RPP40: variants seen among roughly 807,000 people sequenced by gnomAD.
RPP40 encodes ribonuclease P protein subunit p40.
Under a neutral mutation model 42.5 loss-of-function variants are expected in RPP40, and 30 were observed. That is an observed-to-expected ratio of 0.71 (90% CI 0.53 to 0.96). RPP40 has a LOEUF of 0.96. Among genes scored for constraint, RPP40 ranks in the 40% least tolerant of loss-of-function variants. The pLI, the probability that RPP40 is intolerant of heterozygous loss-of-function variation, is 0.00. For missense variants in RPP40, 426 were observed against 433.5 expected (o/e 0.98, Z 0.15); for synonymous variants, 173 against 164.0 (o/e 1.05, Z -0.42).
In RPP40 at chr6:4,994,834, C is replaced by G; in HGVS notation, c.*244G>C. 1 of 486,694 alleles carries G rather than the reference C, an allele frequency of 2.1e-6. No individual in the cohort carries two copies. 30.1% of individuals were successfully genotyped at this position (486,694 alleles called of 1,614,324 possible). A position where few individuals can be genotyped will look rare whatever the true frequency, so the allele number is the denominator to read the frequency against. On this transcript the variant is annotated 3_prime_UTR_variant, in exon 8 of 8. Transcript: ENST00000380051. ...TCCCTGGACATCCTGGCCCAGTGTA[C>G]CACATAGTAACCCACAACCCTGTGC...
chr6:4,989,168 G>A, the RPP40 span, among the ~76,000 whole-genome samples: 2 of 151,848 alleles, frequency 1.3e-5, no homozygotes, highest in African/African-American at 2.4e-5. Context: ...TTGGTAAAAT[G>A]TCTGTTGATG....
intron 3 of RPP40, among the ~76,000 whole-genome samples, chr6:5,000,277 TC>T (rs1183536968): frequency 6.6e-6 from 1 of 152,102 alleles, no homozygotes; most frequent in Non-Finnish European, 1.5e-5. Flanking sequence ...AACCTCCGCC[TC>T]CCAGGTTCAA....
At position 5,003,995 on chromosome 6, in the gene RPP40, G is replaced by A. The variant is rs1173924959; in HGVS notation, c.8C>T (p.Thr3Met). The A allele has an allele frequency of 1.9e-6, 3 of 1,608,830 alleles. No homozygotes were observed. The highest frequency in any genetic ancestry group is 1.3e-5 in the African/African-American group (1 of 74,766). The stretch of plus-strand genomic sequence containing the variant: ...CGGCGCCTCCCGAAGCCGGCGCAGC[G>A]TGGCCATGCTCTCCTGGGTTCCTGG... MA[T>M]LRRLREAPRH... The change falls in exon 1 of 8, where the codon ACG becomes ATG. Residue 3 changes from threonine (T) to methionine (M), a missense_variant. Physicochemically the swap from Thr to Met is moderately conservative, Grantham distance 81. Transcript: ENST00000380051.
intron 1 of RPP40, among the ~76,000 whole-genome samples, chr6:5,003,076 C>T (rs986248477): frequency 1.3e-5 from 2 of 152,008 alleles, no homozygotes; most frequent in African/African-American, 2.4e-5. Flanking sequence ...CGGCCGGGCG[C>T]GGTGGCTCAC....
At chr6:4,998,379 T>C (rs1449042606) in intron 5 of RPP40, among the ~76,000 whole-genome samples, 1 of 152,226 alleles carries the variant, frequency 6.6e-6, no homozygotes, top group Non-Finnish European at 1.5e-5. Context: ...TAATTGGTGC[T>C]ACTTAAAAAT....
Position 4,996,190 on chromosome 6 carries a change from C to A in RPP40, c.758+32G>T, listed in dbSNP as rs569047193. On this transcript the variant is annotated intron_variant, in intron 6 of 7. Transcript: ENST00000380051. ...ATTAAAAACAAGCAGCAGGCCAGAGCCCTGGAAGACACAGGGAGTTCAGAT... is the reference window on the plus strand; with the variant it reads ...ATTAAAAACAAGCAGCAGGCCAGAGACCTGGAAGACACAGGGAGTTCAGAT... 1.4e-5 allele frequency: 23 copies of A among 1,610,188 alleles called. No homozygotes were observed. In the South Asian group the frequency reaches 2.2e-4, roughly 15 times the overall value.
At position 5,000,623 on chromosome 6, in the gene RPP40, A is replaced by G. The variant is rs1759523769; in HGVS notation, c.277T>C (p.Tyr93His). ...ISTFIKKGSC[Y>H]ALTYNTHIDE... ...ATATGTGTATTGTATGTTAGTGCAT[A>G]GCAAGAACCTGGAAGAGAAAGTACA... Residue 93 changes from tyrosine (Y) to histidine (H), a missense_variant, in exon 3 of 8, where the codon TAT becomes CAT. By Grantham distance (83) the Tyr-to-His change is moderately conservative. Transcript: ENST00000380051. 6 of 1,588,218 alleles carry G rather than the reference A, an allele frequency of 3.8e-6. No individual in the cohort carries two copies. Among genetic ancestry groups the G allele is most frequent in the African/African-American group, 1.3e-5 (1 of 74,184 alleles).
chr6:5,003,628 C>T, intron 1 of RPP40: 1 of 403,310 alleles, frequency 2.5e-6, no homozygotes, highest in Non-Finnish European at 4.4e-6. Flanking sequence ...CCAGAACGCC[C>T]CTGACAACAG....
At chr6:4,996,113 A>C (rs751741409) in intron 6 of RPP40, 28 bp from the exon 7 acceptor site, 1 of 1,612,538 alleles carries the variant, frequency 6.2e-7, no homozygotes, top group South Asian at 1.1e-5. Context: ...AAAGAGAGAG[A>C]GATAACACAT....
At chr6:4,999,544 G>A (rs1422419478) in intron 4 of RPP40, among the ~76,000 whole-genome samples, 4 of 151,960 alleles carry the variant, frequency 2.6e-5, no homozygotes, top group African/African-American at 7.2e-5. Context: ...TGATCCGCCC[G>A]CCTTGGCCTG....
chr6:4,996,186 A>G, intron 6 of RPP40, 36 bp downstream of exon 6: 1 of 1,609,724 alleles, frequency 6.2e-7, no homozygotes, highest in Non-Finnish European at 8.5e-7. Flanking sequence ...GCAGCAGGCC[A>G]GAGCCCTGGA....
downstream of RPP40, among the ~76,000 whole-genome samples, chr6:4,990,077 G>A (rs1759242034): frequency 6.6e-6 from 1 of 152,202 alleles, no homozygotes; most frequent in African/African-American, 2.4e-5. Context: ...GGTTTTTGTA[G>A]ATGCCCTTGA....
intron 7 of RPP40, 64 bp from the exon 8 acceptor site, chr6:4,995,340 A>G (rs1165942648): frequency 8.7e-7 from 1 of 1,155,582 alleles, no homozygotes; most frequent in Non-Finnish European, 1.3e-6. Flanking sequence ...GCATTTTAAA[A>G]AATTTATTCA....
chr6:4,996,022 T>C lies in RPP40; in HGVS notation c.822A>G (p.Ala274=), dbSNP rs1554113830. The C allele has an allele frequency of 1.9e-6, 3 of 1,614,134 alleles. No homozygotes were observed. The highest frequency in any genetic ancestry group is 2.5e-6 in the Non-Finnish European group (3 of 1,179,950). Residue 274 remains alanine, a synonymous_variant, in exon 7 of 8, where the codon GCA becomes GCG. Coordinates refer to ENST00000380051, the MANE Select transcript of RPP40 (RefSeq NM_006638.4). ...YCCPEPSTVV[A]KAYLCTITGF... ...CAGTGATTGTACACAAATAAGCTTT[T>C]GCCACCACTGTGCTTGGCTCAGGAC...
intron 1 of RPP40, among the ~76,000 whole-genome samples, chr6:5,003,398 A>G (rs1223997967): frequency 6.6e-6 from 1 of 150,402 alleles, no homozygotes; most frequent in African/African-American, 2.4e-5. Context: ...GGCCGAGCCT[A>G]GGCAGGATGC....
At chr6:5,002,043 T>A (rs552352238) in intron 2 of RPP40, 58 bp downstream of exon 2, 1 of 1,478,890 alleles carries the variant, frequency 6.8e-7, no homozygotes, top group Non-Finnish European at 9.3e-7. Flanking sequence ...CATCGTGATG[T>A]GGTCTCCCTA....
intron 6 of RPP40, 58 bp from the exon 7 acceptor site, chr6:4,996,143 A>G: frequency 1.2e-6 from 2 of 1,607,672 alleles, no homozygotes; most frequent in Non-Finnish European, 1.7e-6. Context: ...TCACATGATC[A>G]CTTCCAAAGT....
chr6:4,992,475 G>T (rs981476499), downstream of RPP40, among the ~76,000 whole-genome samples: 1 of 151,762 alleles, frequency 6.6e-6, no homozygotes, highest in Non-Finnish European at 1.5e-5. Context: ...TGCGAGAATT[G>T]ACTAATATGC....
At position 5,000,078 on chromosome 6, in the gene RPP40, T is replaced by A. The variant is rs1422471855; in HGVS notation, c.338-174A>T. Among the ~76,000 whole-genome samples the A allele has an allele frequency of 2.0e-5, 3 of 152,266 alleles. No individual in the cohort carries two copies. The East Asian group carries it at 5.8e-4, about 29-fold the overall frequency. On this transcript the variant is annotated intron_variant, in intron 3 of 7. Transcript: ENST00000380051. ...GTGTATACATGTCTTGTAACAGATA[T>A]TATTTATACATTATACATCCAAGGA...
Sources: allele counts gnomAD v4.1 joint callset (sites outside exome capture counted in the v4.1 genomes callset), GRCh38; gene constraint gnomAD v4.1.1; transcripts MANE v1.5; gene names NCBI Gene and HGNC (gene_info 2026-07-23, HGNC 2026-07-21).